Variants in CA10 observed in about 807,000 individuals in gnomAD.
The protein encoded by CA10 is carbonic anhydrase 10 (inactive).
CA10 carries 14 observed loss-of-function variants against 44.2 expected under a neutral mutation model. That is an observed-to-expected ratio of 0.32 (90% CI 0.21 to 0.50). The LOEUF is 0.50. Among genes scored for constraint, CA10 ranks in the 20% least tolerant of loss-of-function variants. The pLI, the probability that CA10 is intolerant of heterozygous loss-of-function variation, is 0.99. For missense variants in CA10, 350 were observed against 409.7 expected, an observed-to-expected ratio of 0.85 and a Z score of 1.26; for synonymous variants, 159 against 141.6, an observed-to-expected ratio of 1.12 and a Z score of -0.87.
At chr17:51,725,373 T>C (rs941507143) in intron 4 of CA10, among the ~76,000 whole-genome samples, 2 of 152,226 alleles carry the variant, frequency 1.3e-5, no homozygotes, top group Non-Finnish European at 2.9e-5. Flanking sequence ...ACCTTCCTCT[T>C]TTTTAGTTTC....
At chr17:51,928,627 G>A (rs1037703967) in intron 3 of CA10, among the ~76,000 whole-genome samples, 1 of 152,240 alleles carries the variant, frequency 6.6e-6, no homozygotes, top group South Asian at 2.1e-4. Flanking sequence ...TGCATTTCAC[G>A]TACTGACACC....
At chr17:51,779,066 A>C (rs1042062478) in intron 3 of CA10, among the ~76,000 whole-genome samples, 1 of 152,144 alleles carries the variant, frequency 6.6e-6, no homozygotes, top group African/African-American at 2.4e-5. Flanking sequence ...ACAGAAAACT[A>C]TAATAATACT....
intron 6 of CA10, among the ~76,000 whole-genome samples, chr17:51,645,053 C>T (rs540390595): frequency 6.6e-6 from 1 of 152,116 alleles, no homozygotes; most frequent in Non-Finnish European, 1.5e-5. Context: ...GCCTCGGCCT[C>T]CCAAAGTGCT....
At chr17:51,906,302 A>T (rs1981549364) in intron 3 of CA10, among the ~76,000 whole-genome samples, 1 of 152,118 alleles carries the variant, frequency 6.6e-6, no homozygotes, top group East Asian at 1.9e-4. Context: ...TTCCACTGAA[A>T]CTGCTCCCAT....
intron 3 of CA10, among the ~76,000 whole-genome samples, chr17:51,837,429 T>A (rs1908526983): frequency 6.6e-6 from 1 of 152,232 alleles, no homozygotes; most frequent in African/African-American, 2.4e-5. Flanking sequence ...TAAAATTTCA[T>A]GTGATTCTCA....
At chr17:51,754,789 C>G (rs1439812953) in intron 3 of CA10, among the ~76,000 whole-genome samples, 5 of 152,124 alleles carry the variant, frequency 3.3e-5, no homozygotes, top group African/African-American at 1.2e-4. Flanking sequence ...CATCAATTAA[C>G]CACTACACTT....
Position 51,813,825 on chromosome 17 carries a change from T to C in CA10, c.280-66007A>G, listed in dbSNP as rs188557221. On this transcript the variant is annotated intron_variant, in intron 3 of 8. Coordinates refer to ENST00000451037, the MANE Select transcript of CA10 (RefSeq NM_020178.5). ...ATAAAAAAAATTCCTACTTTGTAGA[T>C]AGGAGAATAAAGGCTCAAAAGGTCA... 2.6e-4 allele frequency among the ~76,000 whole-genome samples: 39 copies of C among 152,260 alleles called. 1 individual carries two copies. The Middle Eastern group carries it at 0.02, about 80-fold the overall frequency.
intron 3 of CA10, among the ~76,000 whole-genome samples, chr17:51,851,005 C>A (rs1978769701): frequency 6.6e-6 from 1 of 152,184 alleles, no homozygotes; most frequent in African/African-American, 2.4e-5. Context: ...CTGACCATTT[C>A]TGCAGACCGC....
chr17:51,840,370 C>CA (rs955672925), intron 3 of CA10, among the ~76,000 whole-genome samples: 3 of 152,078 alleles, frequency 2.0e-5, no homozygotes, highest in African/African-American at 7.2e-5. Flanking sequence ...CTGATGTGGA[C>CA]AAAAAGGCAG....
chr17:51,896,557 T>C (rs1381605605), intron 3 of CA10, among the ~76,000 whole-genome samples: 1 of 152,148 alleles, frequency 6.6e-6, no homozygotes, highest in Non-Finnish European at 1.5e-5. Flanking sequence ...CGCATGCAAG[T>C]GTCTTTATGG....
At chr17:52,100,644 T>TCCCA (rs1988516711) in intron 1 of CA10, among the ~76,000 whole-genome samples, 1 of 152,170 alleles carries the variant, frequency 6.6e-6, no homozygotes, top group African/African-American at 2.4e-5. Flanking sequence ...GTCTCAGTTC[T>TCCCA]CCCACACCAT....
chr17:51,814,928 T>C (rs1907508479), intron 3 of CA10, among the ~76,000 whole-genome samples: 1 of 152,176 alleles, frequency 6.6e-6, no homozygotes, highest in African/African-American at 2.4e-5. Flanking sequence ...CTCTCTTGTC[T>C]CTCTTAAACA....
intron 3 of CA10, among the ~76,000 whole-genome samples, chr17:51,785,662 A>G (rs768192414): frequency 1.3e-4 from 20 of 152,170 alleles, no homozygotes; most frequent in Non-Finnish European, 2.9e-4. Context: ...CAACTGGCCT[A>G]TGTGTCTGTT....
At chr17:52,127,712 C>T (rs1411490715) in intron 1 of CA10, among the ~76,000 whole-genome samples, 1 of 152,128 alleles carries the variant, frequency 6.6e-6, no homozygotes, top group Non-Finnish European at 1.5e-5. Flanking sequence ...ATGGTTCTCC[C>T]CTTTTCATTT....
intron 1 of CA10, among the ~76,000 whole-genome samples, chr17:52,137,292 T>C (rs892590814): frequency 1.3e-5 from 2 of 152,186 alleles, no homozygotes; most frequent in African/African-American, 4.8e-5. Flanking sequence ...AACTATCCAT[T>C]TCTCCAGGGT....
At chr17:51,828,525 C>T (rs776281518) in intron 3 of CA10, among the ~76,000 whole-genome samples, 7 of 151,686 alleles carry the variant, frequency 4.6e-5, no homozygotes, top group Non-Finnish European at 1.0e-4. Flanking sequence ...TGGGTAGATA[C>T]TAAAAAAAAA....
chr17:51,902,093 A>G (rs1009345317), intron 3 of CA10, among the ~76,000 whole-genome samples: 18 of 152,130 alleles, frequency 1.2e-4, no homozygotes, highest in African/African-American at 4.1e-4. Flanking sequence ...AGCCCTTGTT[A>G]CAAGGGGAAA....
intron 3 of CA10, among the ~76,000 whole-genome samples, chr17:51,889,978 G>T (rs749519119): frequency 6.6e-6 from 1 of 152,148 alleles, no homozygotes; most frequent in Non-Finnish European, 1.5e-5. Flanking sequence ...TGGGGAAGTA[G>T]GTTGGCACCG....
intron 4 of CA10, among the ~76,000 whole-genome samples, chr17:51,699,647 T>C (rs537828697): frequency 2.3e-4 from 35 of 152,354 alleles, no homozygotes; most frequent in Non-Finnish European, 2.5e-4. Context: ...GGTAGACTGC[T>C]GTTCCCTTTG....
Sources: gnomAD v4.1 joint callset for allele counts (sites outside exome capture counted in the v4.1 genomes callset) on GRCh38, gnomAD v4.1.1 for gene constraint, MANE v1.5 for transcripts, NCBI Gene and HGNC (gene_info 2026-07-23, HGNC 2026-07-21) for gene names.